The following MAST4 variants were observed in gnomAD, a reference collection of about 807,000 sequenced individuals.
MAST4 encodes the protein microtubule associated serine/threonine kinase family member 4.
In MAST4, 89 loss-of-function variants were observed where a neutral mutation model predicts 162.7. The ratio of observed to expected loss-of-function variants is 0.55; its 90% CI spans 0.46 to 0.65. The LOEUF (loss-of-function observed/expected upper bound fraction) is 0.65, where lower values mean the gene tolerates loss of function less well. MAST4 is among the 30% of genes least tolerant of loss of function. The pLI, the probability that MAST4 is intolerant of heterozygous loss-of-function variation, is 0.00. For synonymous variants in MAST4, 1,479 were observed against 1,361.1 expected, an observed-to-expected ratio of 1.09 and a Z score of -1.91; for missense variants, 3,153 against 3,374.0, an observed-to-expected ratio of 0.93 and a Z score of 1.62.
chr5:67,048,351 A>C (rs1757630245), intron 4 of MAST4, among the ~76,000 whole-genome samples: 1 of 152,342 alleles, frequency 6.6e-6, no homozygotes, highest in Middle Eastern at 3.4e-3. Flanking sequence ...TGAGTGAAAA[A>C]AAGTAAGTTA....
chr5:67,114,565 A>G (rs971610994), intron 12 of MAST4: 1 of 200,846 alleles, frequency 5.0e-6, no homozygotes, highest in Non-Finnish European at 9.9e-6. Flanking sequence ...GAGTACTTCT[A>G]ATTTTTAAAA....
chr5:66,876,043 A>T (rs1270735791), intron 3 of MAST4, among the ~76,000 whole-genome samples: 1 of 152,226 alleles, frequency 6.6e-6, no homozygotes, highest in African/African-American at 2.4e-5. Flanking sequence ...CTGGGATTAC[A>T]GGTGTGAGCC....
chr5:67,050,336 G>A (rs1231185426), intron 4 of MAST4, among the ~76,000 whole-genome samples: 1 of 152,172 alleles, frequency 6.6e-6, no homozygotes, highest in Non-Finnish European at 1.5e-5. Context: ...AACACTTCCT[G>A]GTGGTGACCT....
chr5:67,146,444 GC>G (rs757682791), intron 23 of MAST4, among the ~76,000 whole-genome samples: 3 of 152,090 alleles, frequency 2.0e-5, no homozygotes, highest in Non-Finnish European at 4.4e-5. Context: ...GTGCATTTAT[GC>G]TTTTTCAAAA....
chr5:67,010,028 T>C (rs979003273), intron 4 of MAST4, among the ~76,000 whole-genome samples: 6 of 152,184 alleles, frequency 3.9e-5, no homozygotes, highest in African/African-American at 9.7e-5. Context: ...CCTGTACTTA[T>C]GAGAGTGAGG....
intron 1 of MAST4, among the ~76,000 whole-genome samples, chr5:66,710,588 T>G (rs563586453): frequency 4.6e-5 from 7 of 152,194 alleles, no homozygotes; most frequent in South Asian, 4.1e-4. Context: ...GCTGATTTTT[T>G]GGGGGAAAAA....
At chr5:66,811,185 A>G (rs1756457928) in intron 3 of MAST4, among the ~76,000 whole-genome samples, 1 of 152,188 alleles carries the variant, frequency 6.6e-6, no homozygotes, top group Admixed American at 6.5e-5. Flanking sequence ...GAGAGATGTC[A>G]GTAACGCTCT....
At chr5:66,992,343 T>G (rs966885632) in intron 4 of MAST4, among the ~76,000 whole-genome samples, 2 of 152,196 alleles carry the variant, frequency 1.3e-5, no homozygotes, top group Non-Finnish European at 2.9e-5. Flanking sequence ...TTTCAGTGTT[T>G]CGCATCTTCA....
rs117466492 is a variant in MAST4, at chr5:66,714,864, G to A, written c.364-44845G>A. Among the ~76,000 whole-genome samples, 39 of 152,340 alleles carry A rather than the reference G, an allele frequency of 2.6e-4. No homozygotes were observed. In the East Asian group the frequency reaches 5.0e-3, roughly 20 times the overall value. On this transcript the variant is annotated intron_variant, in intron 1 of 28. Transcript: ENST00000403625. ...TCCTACCTGTGGTTTTGCTGGGCTT[G>A]TTTGGTCCTCTGCCCTAGTAAAGCT...
chr5:67,014,769 A>G (rs1189639156), intron 4 of MAST4, among the ~76,000 whole-genome samples: 1 of 152,230 alleles, frequency 6.6e-6, no homozygotes. Context: ...CAGCATAGCC[A>G]TGGCCAAAAT....
At chr5:66,875,911 A>G (rs1761269559) in intron 3 of MAST4, among the ~76,000 whole-genome samples, 1 of 152,080 alleles carries the variant, frequency 6.6e-6, no homozygotes, top group Admixed American at 6.6e-5. Context: ...ACAGGTGCAT[A>G]CTGTCACACC....
intron 1 of MAST4, among the ~76,000 whole-genome samples, chr5:66,753,446 C>T (rs1208414791): frequency 6.6e-6 from 1 of 151,280 alleles, no homozygotes; most frequent in African/African-American, 2.4e-5. Context: ...CAAATAGACG[C>T]AATAAAAAAT....
At chr5:67,013,793 G>T (rs1402777801) in intron 4 of MAST4, among the ~76,000 whole-genome samples, 2 of 152,160 alleles carry the variant, frequency 1.3e-5, no homozygotes, top group African/African-American at 2.4e-5. Flanking sequence ...GTATGAAGGG[G>T]TTGAGGGAAA....
At chr5:67,142,607 C>A (rs2151036085) in intron 21 of MAST4, 74 bp downstream of exon 21, 1 of 976,050 alleles carries the variant, frequency 1.0e-6, no homozygotes, top group Non-Finnish European at 1.6e-6. Context: ...TATCCCCGAA[C>A]AGCTGGACAC....
At chr5:66,647,804 C>T (rs1745940425) in intron 1 of MAST4, among the ~76,000 whole-genome samples, 1 of 152,070 alleles carries the variant, frequency 6.6e-6, no homozygotes. Context: ...ATTTACTATA[C>T]CATTCACTTT....
intron 3 of MAST4, among the ~76,000 whole-genome samples, chr5:66,880,355 T>C (rs1257917145): frequency 1.3e-5 from 2 of 152,190 alleles, no homozygotes; most frequent in Non-Finnish European, 2.9e-5. Context: ...CTGGGTGAAT[T>C]GGGGACTAGG....
chr5:66,986,886 A>G (rs1271103349), intron 4 of MAST4, among the ~76,000 whole-genome samples: 1 of 152,126 alleles, frequency 6.6e-6, no homozygotes, highest in Non-Finnish European at 1.5e-5. Context: ...AGCCAGGATT[A>G]TAGGCATAAG....
chr5:66,777,835 T>C (rs1754675075), intron 2 of MAST4, among the ~76,000 whole-genome samples: 1 of 152,076 alleles, frequency 6.6e-6, no homozygotes, highest in African/African-American at 2.4e-5. Flanking sequence ...GAGAGGGAGC[T>C]GACAAGTAGT....
At chr5:66,793,326 G>A (rs1755507439) in intron 3 of MAST4, among the ~76,000 whole-genome samples, 2 of 152,222 alleles carry the variant, frequency 1.3e-5, no homozygotes, top group South Asian at 4.1e-4. Flanking sequence ...AGCCGGGAGT[G>A]CTGATGAAGT....
Sources: gnomAD v4.1 joint callset for allele counts (sites outside exome capture counted in the v4.1 genomes callset) on GRCh38, gnomAD v4.1.1 for gene constraint, MANE v1.5 for transcripts, NCBI Gene and HGNC (gene_info 2026-07-23, HGNC 2026-07-21) for gene names.